ASXL2: variants seen among roughly 807,000 people sequenced by gnomAD.
ASXL2 encodes putative Polycomb group protein ASXL2.
Under a neutral mutation model 122.0 loss-of-function variants are expected in ASXL2, and 23 were observed. The observed-to-expected ratio is 0.19, with a 90% CI of 0.14 to 0.27. The LOEUF (loss-of-function observed/expected upper bound fraction) is 0.27. Ranked by LOEUF, ASXL2 falls within the 10% of genes least tolerant of loss-of-function variation. The probability of loss-of-function intolerance (pLI) is 1.00; values close to 1 mark genes in which losing one functional copy is unlikely to be tolerated. For missense variants in ASXL2, 1,518 were observed against 1,713.8 expected (o/e 0.89, Z 2.02); for synonymous variants, 650 against 637.0 (o/e 1.02, Z -0.31).
chr2:25,871,684 C>T (rs896643072), intron 1 of ASXL2, among the ~76,000 whole-genome samples: 8 of 152,178 alleles, frequency 5.3e-5, no homozygotes, highest in Non-Finnish European at 7.3e-5. Flanking sequence ...CTCCGCCTCC[C>T]GGGTTCAAGT....
At chr2:25,778,572 T>TA (rs746633540) in intron 5 of ASXL2, among the ~76,000 whole-genome samples, 16 of 152,362 alleles carry the variant, frequency 1.1e-4, no homozygotes, top group Non-Finnish European at 1.5e-4. Context: ...TTCTCACAGA[T>TA]ATTTATATAT....
At position 25,759,491 on chromosome 2, in the gene ASXL2, T is replaced by C. The variant is rs774099769; in HGVS notation, c.930A>G (p.Val310=). Residue 310 remains valine, a synonymous_variant, in exon 9 of 13, where the codon GTA becomes GTG. Coordinates refer to ENST00000435504, the MANE Select transcript of ASXL2 (RefSeq NM_018263.6). ...GAGTTCAATGACGCACCTGTCGATC[T>C]ACCTCTGGGAGTAGTAAAAGCAGTC... The part of the protein sequence containing the change: ...QQRLLLLLPE[V]DRQVGPDGLM... 4 of 1,613,484 alleles carry C rather than the reference T, an allele frequency of 2.5e-6. No homozygotes were observed. Among genetic ancestry groups the C allele is most frequent in the Non-Finnish European group, 3.4e-6 (4 of 1,179,556 alleles).
intron 1 of ASXL2, among the ~76,000 whole-genome samples, chr2:25,875,204 G>A (rs1559534895): frequency 6.6e-6 from 1 of 152,210 alleles, no homozygotes; most frequent in African/African-American, 2.4e-5. Flanking sequence ...TTCAAGATCA[G>A]GTGAATCGCA....
At chr2:25,802,239 A>C (rs1445256993) in intron 4 of ASXL2, among the ~76,000 whole-genome samples, 1 of 152,186 alleles carries the variant, frequency 6.6e-6, no homozygotes, top group East Asian at 1.9e-4. Context: ...ATTTCTCTAT[A>C]TTATCACATT....
At chr2:25,755,869 T>G in intron 10 of ASXL2, 149 bp downstream of exon 10, 1 of 653,696 alleles carries the variant, frequency 1.5e-6, no homozygotes. Flanking sequence ...AGATAAAAGT[T>G]TAACAACGTG....
intron 3 of ASXL2, among the ~76,000 whole-genome samples, chr2:25,819,805 A>G (rs1195697806): frequency 6.6e-6 from 1 of 152,234 alleles, no homozygotes; most frequent in Non-Finnish European, 1.5e-5. Flanking sequence ...ATTAGATAAT[A>G]TTGTGCCAAT....
At chr2:25,877,908 C>T (rs183677191) in intron 1 of ASXL2, among the ~76,000 whole-genome samples, 16 of 152,306 alleles carry the variant, frequency 1.1e-4, no homozygotes, top group African/African-American at 3.4e-4. Context: ...ATCGGCTCGA[C>T]CCCAAAAGAC....
intron 3 of ASXL2, among the ~76,000 whole-genome samples, chr2:25,826,995 ATTTTTTTT>A (rs34208753): frequency 7.9e-6 from 1 of 127,358 alleles, no homozygotes; most frequent in East Asian, 2.2e-4. Context: ...ACAGCTAATA[ATTTTTTTT>A]TTTTTTTTTT....
chr2:25,753,148 T>A (rs973954663), intron 11 of ASXL2, among the ~76,000 whole-genome samples: 2 of 151,728 alleles, frequency 1.3e-5, no homozygotes, highest in South Asian at 2.1e-4. Context: ...TGTATTTTTT[T>A]AAGTAGAGAC....
At chr2:25,790,117 T>C (rs910327485) in intron 5 of ASXL2, among the ~76,000 whole-genome samples, 2 of 152,162 alleles carry the variant, frequency 1.3e-5, no homozygotes, top group African/African-American at 2.4e-5. Flanking sequence ...ATCTAAACTA[T>C]TGCTGTTCAA....
At chr2:25,765,310 C>G (rs1307189253) in intron 8 of ASXL2, among the ~76,000 whole-genome samples, 1 of 151,818 alleles carries the variant, frequency 6.6e-6, no homozygotes, top group African/African-American at 2.4e-5. Flanking sequence ...ACAGTGAAAC[C>G]CCGTCTCTAC....
intron 11 of ASXL2, among the ~76,000 whole-genome samples, chr2:25,751,648 G>A (rs2088047114): frequency 1.3e-5 from 2 of 149,040 alleles, no homozygotes; most frequent in Non-Finnish European, 3.0e-5. Context: ...AAAAAAAAAA[G>A]AAAAAGAGAA....
chr2:25,790,189 T>C (rs1465335294), intron 5 of ASXL2, among the ~76,000 whole-genome samples: 1 of 152,024 alleles, frequency 6.6e-6, no homozygotes, highest in African/African-American at 2.4e-5. Context: ...GGTACTTTCA[T>C]AGAAATTTGA....
chr2:25,873,625 GAATA>G (rs1249511133), intron 1 of ASXL2, among the ~76,000 whole-genome samples: 1 of 150,100 alleles, frequency 6.7e-6, no homozygotes, highest in Non-Finnish European at 1.5e-5. Context: ...ATTAACCAAT[GAATA>G]AAGTCTATAT....
Position 25,742,443 on chromosome 2 carries a change from T to C in ASXL2, c.3894A>G (p.Ala1298=), listed in dbSNP as rs765184636. ...GTAGGGGCTGGTGGGTGGGGCTGTC[T>C]GCAGGCAGAGGAAGAACAGTAGAAC... ...LFSSTVLPLP[A]DSPTHQPLLL... Residue 1298 remains alanine (A), a synonymous_variant, in exon 13 of 13, where the codon GCA becomes GCG. Transcript: ENST00000435504. The C allele has an allele frequency of 1.2e-6, 2 of 1,611,212 alleles. No homozygotes were observed. The highest frequency in any genetic ancestry group is 3.4e-5 in the Admixed American group (2 of 59,578).
intron 1 of ASXL2, among the ~76,000 whole-genome samples, chr2:25,869,024 G>A (rs1440813365): frequency 1.3e-5 from 2 of 152,076 alleles, no homozygotes; most frequent in Non-Finnish European, 2.9e-5. Flanking sequence ...AATTAGCCAG[G>A]CATGGTGGCA....
Position 25,817,299 on chromosome 2 carries a change from C to T in ASXL2, c.144-10962G>A, listed in dbSNP as rs545838599. Among the ~76,000 whole-genome samples the T allele has an allele frequency of 5.9e-5, 9 of 152,112 alleles. No individual in the cohort carries two copies. In the East Asian group the frequency reaches 1.2e-3, roughly 20 times the overall value. On this transcript the variant is annotated intron_variant, in intron 3 of 12. Transcript: ENST00000435504. ...TTGCAATTAGGTAACATATAAGAAA[C>T]GTAAATGTTTTCTACTTTTTTCAAC...
intron 3 of ASXL2, among the ~76,000 whole-genome samples, chr2:25,827,482 A>C (rs2089391101): frequency 6.6e-6 from 1 of 152,216 alleles, no homozygotes; most frequent in Non-Finnish European, 1.5e-5. Flanking sequence ...ACACATCTTC[A>C]GTAAAACATT....
chr2:25,869,651 T>C (rs772859102), intron 1 of ASXL2, among the ~76,000 whole-genome samples: 1 of 151,972 alleles, frequency 6.6e-6, no homozygotes, highest in African/African-American at 2.4e-5. Flanking sequence ...CACCCATCTC[T>C]ACTAAAATTA....
Sources: allele counts gnomAD v4.1 joint callset (sites outside exome capture counted in the v4.1 genomes callset), GRCh38; gene constraint gnomAD v4.1.1; transcripts MANE v1.5; gene names NCBI Gene and HGNC (gene_info 2026-07-23, HGNC 2026-07-21).